XPA: variants seen among roughly 807,000 people sequenced by gnomAD.
The protein encoded by XPA is XPA, DNA damage recognition and repair factor, also known as DNA repair protein complementing XP-A cells.
A neutral mutation model predicts 35.7 loss-of-function variants in XPA; 27 were observed. The ratio of observed to expected loss-of-function variants is 0.76; its 90% confidence interval spans 0.56 to 1.04. The LOEUF (loss-of-function observed/expected upper bound fraction) is 1.04. Among genes scored for constraint, XPA ranks in the 50% least tolerant of loss-of-function variants. XPA has a pLI of 0.00. For missense variants in XPA, 354 were observed against 342.7 expected (o/e 1.03, Z -0.26); for synonymous variants, 133 against 118.4 (o/e 1.12, Z -0.80).
At chr9:97,681,165 T>G (rs1268250471) in intron 5 of XPA, among the ~76,000 whole-genome samples, 1 of 152,182 alleles carries the variant, frequency 6.6e-6, no homozygotes, top group East Asian at 1.9e-4. Flanking sequence ...AAAGAGGTGG[T>G]CTGTATTCAT....
downstream of XPA, chr9:97,670,951 G>A (rs2805837): frequency 0.65 from 330,176 of 509,026 alleles, 108,991 homozygotes; most frequent in African/African-American, 0.77. Flanking sequence ...GGGGTCCATT[G>A]TTCCTATCAG....
intron 5 of XPA, among the ~76,000 whole-genome samples, chr9:97,682,936 C>T (rs755388158): frequency 8.5e-5 from 13 of 152,142 alleles, no homozygotes; most frequent in African/African-American, 2.9e-4. Context: ...ATGCCATCAT[C>T]TTTCAATCTG....
chr9:97,693,667 T>C lies in XPA; in HGVS notation c.265A>G (p.Lys89Glu). ...ACTTTACCTGGTTGATGAACAACTT[T>C]TCCAATTTTCTGTTCTTCTTCTTCT... ...EEEEEEQKIGKVVHQPGPVME... is the reference protein window; with the variant it reads ...EEEEEEQKIGEVVHQPGPVME... Residue 89 changes from lysine (K) to glutamate (E), a missense_variant, in exon 2 of 6, where the codon AAA becomes GAA. By Grantham distance (56) the Lys-to-Glu change is moderately conservative. Transcript: ENST00000375128. The C allele has an allele frequency of 1.2e-6, 2 of 1,613,608 alleles. No homozygotes were observed. The highest frequency in any genetic ancestry group is 1.7e-6 in the Non-Finnish European group (2 of 1,179,908).
chr9:97,683,407 T>C (rs1333215272), intron 5 of XPA, among the ~76,000 whole-genome samples: 1 of 152,190 alleles, frequency 6.6e-6, no homozygotes, highest in East Asian at 1.9e-4. Flanking sequence ...GAAGGTTCTT[T>C]AATGAAATGC....
chr9:97,693,507 G>T, intron 2 of XPA, 142 bp downstream of exon 2: 1 of 743,874 alleles, frequency 1.3e-6, no homozygotes, highest in Non-Finnish European at 2.2e-6. Context: ...TAGCAAAACT[G>T]CCAAACTTTA....
At chr9:97,656,537 C>T in the XPA span, among the ~76,000 whole-genome samples, 3 of 151,892 alleles carry the variant, frequency 2.0e-5, no homozygotes, top group African/African-American at 7.3e-5. Context: ...GCCGACAGAG[C>T]GACACTCTTA....
chr9:97,696,563 G>T (rs1249304250), intron 1 of XPA, among the ~76,000 whole-genome samples: 2 of 152,142 alleles, frequency 1.3e-5, no homozygotes, highest in African/African-American at 4.8e-5. Flanking sequence ...TCTGATTGCT[G>T]AATCTCCTCT....
chr9:97,679,248 G>A (rs1828463995), intron 5 of XPA, among the ~76,000 whole-genome samples: 1 of 152,070 alleles, frequency 6.6e-6, no homozygotes. Context: ...AAATGGTTCG[G>A]AAAAAAATAA....
chr9:97,683,156 G>A (rs1439691616), intron 5 of XPA, among the ~76,000 whole-genome samples: 1 of 152,172 alleles, frequency 6.6e-6, no homozygotes, highest in East Asian at 1.9e-4. Flanking sequence ...CAGCAAAGAG[G>A]TAAGAGTTGA....
the XPA span, chr9:97,663,147 A>G: frequency 1.1e-6 from 1 of 889,942 alleles, no homozygotes; most frequent in Non-Finnish European, 1.8e-6. Context: ...ATGAAATTTG[A>G]CTCTGCCTAG....
downstream of XPA, chr9:97,674,877 C>A: frequency 2.1e-6 from 1 of 466,870 alleles, no homozygotes; most frequent in Non-Finnish European, 4.2e-6. Flanking sequence ...TTAAGTCCCA[C>A]AATAGAGGCC....
chr9:97,682,563 T>G, intron 5 of XPA: 1 of 438,516 alleles, frequency 2.3e-6, no homozygotes, highest in South Asian at 1.7e-5. Flanking sequence ...GTAAAACATT[T>G]CTATTTACAG....
At chr9:97,683,380 G>C (rs1161627081) in intron 5 of XPA, among the ~76,000 whole-genome samples, 1 of 152,128 alleles carries the variant, frequency 6.6e-6, no homozygotes, top group African/African-American at 2.4e-5. Context: ...TCTCAATACA[G>C]CAGTGGCTAA....
chr9:97,654,577 AAG>A, the XPA span, among the ~76,000 whole-genome samples: 4 of 148,092 alleles, frequency 2.7e-5, no homozygotes, highest in East Asian at 2.5e-4. Context: ...AAAAAAAAAA[AAG>A]AAGCAATTTC....
At chr9:97,671,191 C>G (rs764929932), downstream of XPA, 1 of 1,604,688 alleles carries the variant, frequency 6.2e-7, no homozygotes, top group Non-Finnish European at 8.5e-7. Context: ...CTGTGCCCTG[C>G]AGGCCTAAGG....
rs530819946 is a variant in XPA, at chr9:97,675,025, C to G, written c.*414G>C. 4 of 528,874 alleles carry G rather than the reference C, an allele frequency of 7.6e-6. No individual in the cohort carries two copies. Among genetic ancestry groups the G allele is most frequent in the African/African-American group, 7.5e-5 (4 of 53,490 alleles). 32.8% of individuals were successfully genotyped at this position (528,874 alleles called of 1,614,324 possible). A position where few individuals can be genotyped will look rare whatever the true frequency, so the allele number is the denominator to read the frequency against. On this transcript the variant is annotated 3_prime_UTR_variant, in exon 6 of 6. Transcript: ENST00000375128. ...CGTCCTAAAAAACACATGACTAGAA[C>G]CTGGGGTACAGTGGTGCACCACCAT...
At chr9:97,673,178 CTGTT>C (rs1191266735), downstream of XPA, 3 of 151,984 alleles carry the variant, frequency 2.0e-5, no homozygotes, top group East Asian at 3.9e-4. Context: ...AGTTTATCAA[CTGTT>C]TGTTATTGGT....
the XPA span, chr9:97,668,763 C>T: frequency 6.9e-7 from 1 of 1,450,012 alleles, no homozygotes; most frequent in African/African-American, 1.4e-5. Flanking sequence ...TTTGGCCAGA[C>T]ACAGTAAAAT....
chr9:97,690,356 G>A (rs1383515310), intron 2 of XPA, among the ~76,000 whole-genome samples: 2 of 150,772 alleles, frequency 1.3e-5, no homozygotes, highest in Non-Finnish European at 3.0e-5. Context: ...GATTACAGGT[G>A]CAAGCCACCA....
Sources: gnomAD v4.1 joint callset for allele counts (sites outside exome capture counted in the v4.1 genomes callset) on GRCh38, gnomAD v4.1.1 for gene constraint, MANE v1.5 for transcripts, NCBI Gene and HGNC (gene_info 2026-07-23, HGNC 2026-07-21) for gene names.